Variants in CPNE9 observed in about 807,000 individuals in gnomAD.
CPNE9 encodes the protein copine family member 9.
CPNE9 carries 59 observed loss-of-function variants against 83.0 expected under a neutral mutation model. That is an observed-to-expected ratio of 0.71 (90% CI 0.58 to 0.88). The LOEUF (loss-of-function observed/expected upper bound fraction) is 0.88, where lower values mean the gene tolerates loss of function less well. Ranked by LOEUF, CPNE9 falls within the 40% of genes least tolerant of loss-of-function variation. The pLI is 0.00. For synonymous variants in CPNE9, 256 were observed against 273.4 expected, an observed-to-expected ratio of 0.94 and a Z score of 0.63; for missense variants, 619 against 720.8, an observed-to-expected ratio of 0.86 and a Z score of 1.62.
intron 14 of CPNE9, 99 bp from the exon 15 acceptor site, chr3:9,716,959 C>A: frequency 2.4e-6 from 3 of 1,274,932 alleles, no homozygotes; most frequent in Non-Finnish European, 3.4e-6. Flanking sequence ...TGCATTTTAA[C>A]ATGAGCCCCA....
intron 14 of CPNE9, among the ~76,000 whole-genome samples, chr3:9,716,263 A>T (rs1245660488): frequency 6.6e-6 from 1 of 152,166 alleles, no homozygotes; most frequent in African/African-American, 2.4e-5. Context: ...TCCTGGGAAG[A>T]TGGCTCCCAG....
chr3:9,724,778 C>T lies in CPNE9; in HGVS notation c.1242-1171C>T, dbSNP rs373444629. On this transcript the variant is annotated intron_variant, in intron 17 of 20. Transcript: ENST00000383832. ...TATCTATCTATCTATCTATCTGAGACGGAGTCTCGCTCTTGTCACCCAGGC... is the reference window on the plus strand; with the variant it reads ...TATCTATCTATCTATCTATCTGAGATGGAGTCTCGCTCTTGTCACCCAGGC... 9.2e-5 allele frequency among the ~76,000 whole-genome samples: 14 copies of T among 151,708 alleles called. No homozygotes were observed. In the East Asian group the frequency reaches 1.6e-3, roughly 17 times the overall value.
In CPNE9 at chr3:9,705,982, C is replaced by T. The variant is rs764594081; in HGVS notation, c.301-5C>T. The T allele has an allele frequency of 2.5e-6, 4 of 1,613,136 alleles. No individual in the cohort carries two copies. The South Asian group carries it at 4.4e-5, about 18-fold the overall frequency. The stretch of plus-strand genomic sequence containing the variant: ...CTGGTCTTGCTGACTCCTTGTCCTG[C>T]ATAGGATTTCCTGGGACAAGCGTTC... On this transcript the variant is annotated splice_polypyrimidine_tract_variant and splice_region_variant and intron_variant, in intron 6 of 20. Coordinates refer to ENST00000383832, the MANE Select transcript of CPNE9 (RefSeq NM_153635.3).
At position 9,704,146 on chromosome 3, in the gene CPNE9, G is replaced by C. The variant is rs1281849220; in HGVS notation, c.68+82G>C. On this transcript the variant is annotated intron_variant, in intron 1 of 20. Coordinates refer to ENST00000383832, the MANE Select transcript of CPNE9 (RefSeq NM_153635.3). This position sits in a 1 kb window ranked among gnomAD's most constrained non-coding sequence, Gnocchi z 7.1. ...GCCGCGGGGCTCAGCCTGGGCAGGG[G>C]CTAGACCCCCGGGGAGAGGCGAAAT... The C allele has an allele frequency of 7.4e-7, 1 of 1,358,568 alleles. No individual in the cohort carries two copies. The highest frequency in any genetic ancestry group is 1.0e-6 in the Non-Finnish European group (1 of 983,048). The allele number at this position is 1,358,568 out of a possible 1,614,324, so 84.2% of individuals were successfully genotyped here. A position where few individuals can be genotyped will look rare whatever the true frequency, so the allele number is the denominator to read the frequency against.
chr3:9,715,446 A>T, intron 12 of CPNE9, 27 bp from the exon 13 acceptor site: 2 of 1,613,238 alleles, frequency 1.2e-6, no homozygotes, highest in Non-Finnish European at 1.7e-6. Context: ...TTTGTTTCTC[A>T]TCATCACTGT....
Position 9,704,618 on chromosome 3 carries a change from T to G in CPNE9, c.100T>G (p.Ser34Ala). ...NLLDLDTFSK[S>A]DPMVVLYTQS... Reference sequence around the variant, plus strand: ...GCTAGACCTTGATACCTTCTCCAAGTCCGACCCCAGTAGGCGGCTCCAGGA... The same window carrying G: ...GCTAGACCTTGATACCTTCTCCAAGGCCGACCCCAGTAGGCGGCTCCAGGA... Residue 34 changes from serine (S) to alanine (A), a missense_variant, in exon 2 of 21, where the codon TCC becomes GCC. Around this residue, in one of 3 missense-constraint regions of CPNE9, gnomAD observed 130 missense variants for 117.5 expected, o/e 1.11. Coordinates refer to ENST00000383832, the MANE Select transcript of CPNE9 (RefSeq NM_153635.3). The surrounding 1 kb of genome is among the most constrained non-coding windows in gnomAD (Gnocchi z 7.1). 3.7e-6 allele frequency: 6 copies of G among 1,613,982 alleles called. No individual in the cohort carries two copies. The highest frequency in any genetic ancestry group is 5.1e-6 in the Non-Finnish European group (6 of 1,179,900).
chr3:9,718,834 C>CTTTTTTT (rs750687755), intron 17 of CPNE9, among the ~76,000 whole-genome samples: 1 of 117,626 alleles, frequency 8.5e-6, no homozygotes, highest in Non-Finnish European at 1.7e-5. Context: ...GACCCCATCT[C>CTTTTTTT]TTTTTTTTTT....
intron 20 of CPNE9, among the ~76,000 whole-genome samples, chr3:9,728,394 C>T (rs1000679434): frequency 1.3e-5 from 2 of 152,130 alleles, no homozygotes; most frequent in African/African-American, 2.4e-5. Flanking sequence ...GAGGCTGAGG[C>T]GGGCGGATTG....
At chr3:9,705,934 T>C in intron 6 of CPNE9, 53 bp from the exon 7 acceptor site, 1 of 1,580,810 alleles carries the variant, frequency 6.3e-7, no homozygotes, top group Non-Finnish European at 8.7e-7. Context: ...GGGGCTAGGC[T>C]GGGACTCAGC....
chr3:9,718,804 C>A (rs1190956711), intron 17 of CPNE9, among the ~76,000 whole-genome samples: 1 of 150,656 alleles, frequency 6.6e-6, no homozygotes, highest in African/African-American at 2.4e-5. Context: ...AGTTCAAGAC[C>A]AACTTAGGCA....
At chr3:9,711,758 G>A (rs918723701) in intron 7 of CPNE9, among the ~76,000 whole-genome samples, 3 of 152,164 alleles carry the variant, frequency 2.0e-5, no homozygotes, top group African/African-American at 7.2e-5. Context: ...TACTGCTGGG[G>A]ATGGGGGTTC....
intron 7 of CPNE9, among the ~76,000 whole-genome samples, chr3:9,711,791 T>A (rs943168261): frequency 2.6e-5 from 4 of 152,150 alleles, no homozygotes; most frequent in Admixed American, 2.0e-4. Flanking sequence ...TTCAAGCACA[T>A]GGAAGTGTTC....
chr3:9,721,313 A>T (rs988418928), intron 17 of CPNE9, among the ~76,000 whole-genome samples: 4 of 152,264 alleles, frequency 2.6e-5, no homozygotes, highest in African/African-American at 4.8e-5. Flanking sequence ...GGCATAGCTG[A>T]AAGCAGTCAG....
At chr3:9,709,502 T>C (rs966083369) in intron 7 of CPNE9, among the ~76,000 whole-genome samples, 1 of 150,362 alleles carries the variant, frequency 6.7e-6, no homozygotes, top group Non-Finnish European at 1.5e-5. Context: ...CCGAGTAGCT[T>C]GGATTACAGG....
At position 9,729,893 on chromosome 3, in the gene CPNE9, G is replaced by A. The variant is rs1003689123; in HGVS notation, c.*201G>A. On this transcript the variant is annotated 3_prime_UTR_variant, in exon 21 of 21. Transcript: ENST00000383832. ...TCTCTGCCTTCATGCCAATAATAAA[G>A]CTGATCTTTATTCCACCTCTGTCTC... The A allele has an allele frequency of 3.0e-6, 2 of 665,732 alleles. No homozygotes were observed. Among genetic ancestry groups the A allele is most frequent in the Admixed American group, 6.4e-5 (2 of 31,382 alleles). The allele number at this position is 665,732 out of a possible 1,614,324, so 41.2% of individuals were successfully genotyped here.
At chr3:9,727,487 A>T (rs976005156) in intron 20 of CPNE9, 2 of 703,370 alleles carry the variant, frequency 2.8e-6, no homozygotes, top group Non-Finnish European at 5.3e-6. Flanking sequence ...CCAGAGGAAT[A>T]GCAAATGCCA....
chr3:9,707,129 G>A (rs1478940841), intron 7 of CPNE9, among the ~76,000 whole-genome samples: 7 of 151,988 alleles, frequency 4.6e-5, no homozygotes, highest in Non-Finnish European at 7.4e-5. Context: ...TGAGGCAGGC[G>A]GATCACGAGG....
At chr3:9,717,773 C>T (rs941026142) in intron 15 of CPNE9, among the ~76,000 whole-genome samples, 4 of 151,672 alleles carry the variant, frequency 2.6e-5, no homozygotes, top group Non-Finnish European at 5.9e-5. Flanking sequence ...TATAAGTAGA[C>T]TGAAAGATAG....
chr3:9,719,918 G>A (rs1437882058), intron 17 of CPNE9, among the ~76,000 whole-genome samples: 1 of 150,922 alleles, frequency 6.6e-6, no homozygotes, highest in Non-Finnish European at 1.5e-5. Flanking sequence ...TTGAACCTGG[G>A]AGGCAGAGGG....
Sources: gnomAD v4.1 joint callset for allele counts (sites outside exome capture counted in the v4.1 genomes callset) on GRCh38, gnomAD v4.1.1 for gene constraint, gnomAD v4.1.1 regional missense constraint, Gnocchi (gnomAD v3.1) non-coding constraint, MANE v1.5 for transcripts, NCBI Gene and HGNC (gene_info 2026-07-23, HGNC 2026-07-21) for gene names.